Variants in FMNL2 observed in about 807,000 individuals in gnomAD.
FMNL2 encodes formin like 2, also known as formin-like protein 2.
FMNL2 carries 51 observed loss-of-function variants against 130.2 expected under a neutral mutation model. The observed-to-expected ratio is 0.39, with a 90% confidence interval of 0.31 to 0.49. FMNL2 has a LOEUF of 0.49. Among genes scored for constraint, FMNL2 ranks in the 20% least tolerant of loss-of-function variants. The pLI, the probability that FMNL2 is intolerant of heterozygous loss-of-function variation, is 0.85. For synonymous variants in FMNL2, 465 were observed against 467.1 expected, an observed-to-expected ratio of 1.00 and a Z score of 0.06; for missense variants, 977 against 1,316.2, an observed-to-expected ratio of 0.74 and a Z score of 3.99.
rs144675713 is a variant in FMNL2 at position 152,563,242 on chromosome 2, G to T, written c.596+2207G>T. The stretch of plus-strand genomic sequence containing the variant: ...AGGCATTATATATATGATGTTTCTG[G>T]TTGGCAGGTGTGCTTGAAGATGACC... On this transcript the variant is annotated intron_variant, in intron 6 of 25. Transcript: ENST00000288670. 5.8e-3 allele frequency among the ~76,000 whole-genome samples: 885 copies of T among 152,288 alleles called. 9 individuals are homozygous for T. The highest frequency in any genetic ancestry group is 0.021 in the African/African-American group (853 of 41,560).
intron 1 of FMNL2, among the ~76,000 whole-genome samples, chr2:152,427,573 T>G (rs2106073256): frequency 1.3e-5 from 2 of 152,212 alleles, no homozygotes; most frequent in Admixed American, 1.3e-4. Flanking sequence ...ATGAAATCAT[T>G]TTTTGTTGTT....
chr2:152,446,010 A>G (rs895362513), intron 1 of FMNL2, among the ~76,000 whole-genome samples: 3 of 152,202 alleles, frequency 2.0e-5, no homozygotes, highest in Admixed American at 1.3e-4. Flanking sequence ...TACTGGGGAA[A>G]TTCCAGCCTT....
intron 4 of FMNL2, among the ~76,000 whole-genome samples, chr2:152,549,960 GT>G (rs1694846283): frequency 6.6e-6 from 1 of 152,166 alleles, no homozygotes; most frequent in Non-Finnish European, 1.5e-5. Context: ...TTCTTTGCAA[GT>G]CTATTGGAAA....
intron 9 of FMNL2, among the ~76,000 whole-genome samples, chr2:152,598,518 G>C (rs547056470): frequency 3.3e-5 from 5 of 152,082 alleles, no homozygotes; most frequent in Admixed American, 6.5e-5. Context: ...GCGAAACCCC[G>C]TTTCTACTAA....
intron 1 of FMNL2, among the ~76,000 whole-genome samples, chr2:152,340,368 C>A (rs1681728963): frequency 6.6e-6 from 1 of 152,184 alleles, no homozygotes; most frequent in Admixed American, 6.5e-5. Context: ...AAATTCCTGT[C>A]TGGTTAGTGC....
Position 152,619,657 on chromosome 2 carries a change from C to T in FMNL2, c.1776C>T (p.Pro592=). 1 of 1,611,968 alleles carries T rather than the reference C, an allele frequency of 6.2e-7. No homozygotes were observed. Among genetic ancestry groups the T allele is most frequent in the Non-Finnish European group, 8.5e-7 (1 of 1,179,478 alleles). ...VPAPPLAPPL[P]SAPPLPGTSS... is the part of the protein sequence containing the mutation. The stretch of plus-strand genomic sequence containing the variant: ...CTCCTCCCTTAGCACCTCCCCTTCC[C>T]TCTGCACCTCCGCTGCCTGGAACAT... The change falls in exon 15 of 26, where the codon CCC becomes CCT. Residue 592 remains proline, a synonymous_variant. Coordinates refer to ENST00000288670, the MANE Select transcript of FMNL2 (RefSeq NM_052905.4).
intron 1 of FMNL2, among the ~76,000 whole-genome samples, chr2:152,422,873 CA>C (rs916516423): frequency 5.3e-5 from 8 of 152,134 alleles, no homozygotes; most frequent in Admixed American, 2.6e-4. Flanking sequence ...ACCATTGCCA[CA>C]ATCTAATTTG....
At chr2:152,532,036 T>G (rs1260170371) in intron 2 of FMNL2, among the ~76,000 whole-genome samples, 1 of 152,324 alleles carries the variant, frequency 6.6e-6, no homozygotes, top group Admixed American at 6.5e-5. Flanking sequence ...AAAATTGTGG[T>G]GCAATTACCA....
intron 9 of FMNL2, among the ~76,000 whole-genome samples, chr2:152,594,671 G>A (rs755458855): frequency 1.6e-4 from 24 of 152,242 alleles, no homozygotes; most frequent in Non-Finnish European, 2.6e-4. Context: ...TTTGAAAGAT[G>A]GAGCTTTTGA....
intron 1 of FMNL2, among the ~76,000 whole-genome samples, chr2:152,418,618 G>A (rs962656856): frequency 6.6e-6 from 1 of 152,142 alleles, no homozygotes; most frequent in Non-Finnish European, 1.5e-5. Flanking sequence ...TCTTGTTGTA[G>A]CATTTGTCAG....
At chr2:152,609,555 A>G (rs1698570549) in intron 10 of FMNL2, among the ~76,000 whole-genome samples, 1 of 152,102 alleles carries the variant, frequency 6.6e-6, no homozygotes, top group Non-Finnish European at 1.5e-5. Context: ...TTTAAAAAAT[A>G]TTTTTCTAGT....
chr2:152,389,949 A>C (rs996685035), intron 1 of FMNL2: 1 of 1,222,034 alleles, frequency 8.2e-7, no homozygotes, highest in African/African-American at 1.5e-5. Context: ...AAGCCAAGTC[A>C]GAGACCTCGG....
At chr2:152,365,509 T>A (rs1683469376) in intron 1 of FMNL2, among the ~76,000 whole-genome samples, 1 of 151,956 alleles carries the variant, frequency 6.6e-6, no homozygotes, top group Non-Finnish European at 1.5e-5. Flanking sequence ...TGGTGGCTCA[T>A]GTCTGTAATC....
chr2:152,356,850 A>G (rs1682823990), intron 1 of FMNL2, among the ~76,000 whole-genome samples: 1 of 151,574 alleles, frequency 6.6e-6, no homozygotes, highest in African/African-American at 2.4e-5. Context: ...TATGGAGAAG[A>G]TATGTATATT....
intron 8 of FMNL2, among the ~76,000 whole-genome samples, chr2:152,580,339 G>T (rs1398973060): frequency 4.6e-5 from 7 of 152,150 alleles, no homozygotes; most frequent in African/African-American, 1.4e-4. Context: ...ATTTCAGATT[G>T]AGTTTTATTT....
intron 1 of FMNL2, among the ~76,000 whole-genome samples, chr2:152,452,075 A>G (rs1254750783): frequency 6.6e-6 from 1 of 152,122 alleles, no homozygotes; most frequent in Non-Finnish European, 1.5e-5. Context: ...ACCTAATTGT[A>G]TGGCTCCCCT....
intron 1 of FMNL2, among the ~76,000 whole-genome samples, chr2:152,423,455 A>G (rs1254283988): frequency 6.6e-6 from 1 of 152,232 alleles, no homozygotes; most frequent in Non-Finnish European, 1.5e-5. Context: ...TGATGAGACC[A>G]GAAAGAATGG....
At chr2:152,431,649 T>G (rs926910455) in intron 1 of FMNL2, among the ~76,000 whole-genome samples, 1 of 152,116 alleles carries the variant, frequency 6.6e-6, no homozygotes, top group African/African-American at 2.4e-5. Context: ...TAGAAGAAAT[T>G]AATGTGCCGC....
intron 7 of FMNL2, 58 bp from the exon 8 acceptor site, chr2:152,578,830 G>T: frequency 6.9e-7 from 1 of 1,450,358 alleles, no homozygotes. Flanking sequence ...AATACTGACA[G>T]TTCCCTAACT....
Sources: allele counts gnomAD v4.1 joint callset (sites outside exome capture counted in the v4.1 genomes callset), GRCh38; gene constraint gnomAD v4.1.1; transcripts MANE v1.5; gene names NCBI Gene and HGNC (gene_info 2026-07-23, HGNC 2026-07-21).